The following TRERF1 variants were observed in gnomAD, a reference collection of about 807,000 sequenced individuals.
TRERF1 encodes transcriptional-regulating factor 1.
In TRERF1, 27 loss-of-function variants were observed where a neutral mutation model predicts 122.9. The observed-to-expected ratio is 0.22, with a 90% CI of 0.16 to 0.30. The LOEUF is 0.30. Ranked by LOEUF, TRERF1 falls within the 10% of genes least tolerant of loss-of-function variation. The pLI is 1.00. For synonymous variants in TRERF1, 636 were observed against 641.7 expected, an observed-to-expected ratio of 0.99 and a Z score of 0.13; for missense variants, 1,248 against 1,560.3, an observed-to-expected ratio of 0.80 and a Z score of 3.37.
intron 3 of TRERF1, among the ~76,000 whole-genome samples, chr6:42,357,810 G>A (rs1349794309): frequency 4.6e-5 from 7 of 152,210 alleles, no homozygotes; most frequent in Non-Finnish European, 8.8e-5. Context: ...CCAGGCAGAC[G>A]TGTAATGAAA....
At chr6:42,290,916 G>A (rs1395857522) in intron 4 of TRERF1, among the ~76,000 whole-genome samples, 2 of 151,888 alleles carry the variant, frequency 1.3e-5, no homozygotes, top group Non-Finnish European at 2.9e-5. Context: ...CAGTCTCCCT[G>A]GGCCACAGTC....
intron 3 of TRERF1, among the ~76,000 whole-genome samples, chr6:42,305,975 T>C (rs1787135634): frequency 6.7e-6 from 1 of 150,104 alleles, no homozygotes; most frequent in Admixed American, 6.7e-5. Context: ...AAACTCCCAT[T>C]CTCTCTCCAA....
At chr6:42,359,541 T>G (rs1433701365) in intron 3 of TRERF1, among the ~76,000 whole-genome samples, 1 of 152,110 alleles carries the variant, frequency 6.6e-6, no homozygotes, top group Non-Finnish European at 1.5e-5. Context: ...CTGGCCAACA[T>G]GGTGAAACCC....
chr6:42,240,886 T>G lies in TRERF1; in HGVS notation c.2859+2362A>C, dbSNP rs115794162. 9.3e-3 allele frequency among the ~76,000 whole-genome samples: 1,410 copies of G among 150,852 alleles called. 27 individuals are homozygous for G. The highest frequency in any genetic ancestry group is 0.032 in the African/African-American group (1,308 of 41,426). Reference sequence around the variant, plus strand: ...GACTGAACTGGAGGAGAGCATACTGTTTTTTGTTTTTTGTTTTTTTTTCTG... The same window carrying G: ...GACTGAACTGGAGGAGAGCATACTGGTTTTTGTTTTTTGTTTTTTTTTCTG... On this transcript the variant is annotated intron_variant, in intron 15 of 17. Transcript: ENST00000372922.
chr6:42,424,774 G>A (rs1318097527), intron 2 of TRERF1, among the ~76,000 whole-genome samples: 1 of 152,184 alleles, frequency 6.6e-6, no homozygotes. Context: ...ATGAAATTAA[G>A]TGTCTCATCA....
Position 42,273,391 on chromosome 6 carries a change from C to T in TRERF1, c.-258-3543G>A, listed in dbSNP as rs138281956. Among the ~76,000 whole-genome samples, 889 of 152,098 alleles carry T rather than the reference C, an allele frequency of 5.8e-3. 6 individuals carry two copies. Among genetic ancestry groups the T allele is most frequent in the Admixed American group, 0.014 (220 of 15,280 alleles). On this transcript the variant is annotated intron_variant, in intron 4 of 17. Transcript: ENST00000372922. ...AGTATTTATTGAATGAATAAATCAACAAATGAGAAAAAATTAGAAAACAAT... is the reference window on the plus strand; with the variant it reads ...AGTATTTATTGAATGAATAAATCAATAAATGAGAAAAAATTAGAAAACAAT...
chr6:42,347,309 T>C (rs1295592351), intron 3 of TRERF1, among the ~76,000 whole-genome samples: 1 of 152,168 alleles, frequency 6.6e-6, no homozygotes, highest in African/African-American at 2.4e-5. Flanking sequence ...TCAACGAGGA[T>C]TTACTGAGCA....
chr6:42,373,281 C>A (rs962524081), intron 2 of TRERF1, among the ~76,000 whole-genome samples: 1 of 152,166 alleles, frequency 6.6e-6, no homozygotes, highest in Non-Finnish European at 1.5e-5. Context: ...GCCTGTAATC[C>A]TAGCACTTTG....
At chr6:42,235,176 T>C (rs1771816097) in intron 16 of TRERF1, among the ~76,000 whole-genome samples, 1 of 152,186 alleles carries the variant, frequency 6.6e-6, no homozygotes, top group African/African-American at 2.4e-5. Context: ...GCTTTCTCCA[T>C]CTAAGTGACA....
chr6:42,233,898 T>C (rs1216461160), intron 16 of TRERF1, among the ~76,000 whole-genome samples: 2 of 152,180 alleles, frequency 1.3e-5, no homozygotes, highest in Non-Finnish European at 2.9e-5. Context: ...AAGCAATGTT[T>C]AAGACCCCCA....
At chr6:42,404,230 A>G (rs576806808) in intron 2 of TRERF1, among the ~76,000 whole-genome samples, 56 of 152,260 alleles carry the variant, frequency 3.7e-4, no homozygotes, top group African/African-American at 1.3e-3. Context: ...ATCTCAGCTC[A>G]ACATCTTTCA....
chr6:42,285,392 T>C (rs1240364016), intron 4 of TRERF1, among the ~76,000 whole-genome samples: 1 of 152,090 alleles, frequency 6.6e-6, no homozygotes, highest in African/African-American at 2.4e-5. Context: ...GCTGAGACAA[T>C]GGGGTTTTCT....
chr6:42,352,063 G>T (rs1769556565), intron 3 of TRERF1, among the ~76,000 whole-genome samples: 1 of 152,190 alleles, frequency 6.6e-6, no homozygotes, highest in Non-Finnish European at 1.5e-5. Context: ...GGAGTACAGT[G>T]GCATGATCAT....
intron 14 of TRERF1, among the ~76,000 whole-genome samples, chr6:42,244,045 A>AT (rs1321951369): frequency 4.0e-5 from 6 of 150,460 alleles, no homozygotes; most frequent in Middle Eastern, 3.2e-3. Flanking sequence ...CACCTGGCTC[A>AT]TTTTTTTCTA....
intron 8 of TRERF1, among the ~76,000 whole-genome samples, chr6:42,261,773 C>G (rs1561851178): frequency 6.6e-6 from 1 of 152,182 alleles, no homozygotes; most frequent in Non-Finnish European, 1.5e-5. Flanking sequence ...ACCGCCCCCA[C>G]CAACGAGGTC....
intron 3 of TRERF1, among the ~76,000 whole-genome samples, chr6:42,362,578 G>A (rs1456180152): frequency 6.6e-6 from 1 of 152,196 alleles, no homozygotes; most frequent in Admixed American, 6.5e-5. Flanking sequence ...ATAAAAACGC[G>A]AGGAATGCCC....
rs1163046145 is a variant in TRERF1, at chr6:42,306,416, A to G, written c.-370-5667T>C. ...CCAGACCATGATGGGATATAGGCAG[A>G]TCACTTAATCAGGCCCTCGTGTATC... On this transcript the variant is annotated intron_variant, in intron 3 of 17. Transcript: ENST00000372922. Among the ~76,000 whole-genome samples, 4 of 152,194 alleles carry G rather than the reference A, an allele frequency of 2.6e-5. 1 individual carries two copies. The highest frequency in any genetic ancestry group is 5.9e-5 in the Non-Finnish European group (4 of 68,018).
intron 3 of TRERF1, among the ~76,000 whole-genome samples, chr6:42,335,649 T>C (rs1390182016): frequency 6.6e-6 from 1 of 152,186 alleles, no homozygotes; most frequent in East Asian, 1.9e-4. Flanking sequence ...TCTAGGCACT[T>C]ATTCATGTGC....
At chr6:42,243,422 C>G (rs1774122591) in intron 14 of TRERF1, 61 bp from the exon 15 acceptor site, 2 of 1,186,928 alleles carry the variant, frequency 1.7e-6, no homozygotes, top group East Asian at 4.7e-5. Context: ...AGGTAGCAAG[C>G]ATTTTTGAAT....
Sources: allele counts gnomAD v4.1 joint callset (sites outside exome capture counted in the v4.1 genomes callset), GRCh38; gene constraint gnomAD v4.1.1; transcripts MANE v1.5; gene names NCBI Gene and HGNC (gene_info 2026-07-23, HGNC 2026-07-21).